Variants in CBR4 observed in about 807,000 individuals in gnomAD.
CBR4 encodes the protein 3-oxoacyl-[acyl-carrier-protein] reductase.
Under a neutral mutation model 21.0 loss-of-function variants are expected in CBR4, and 22 were observed. The observed-to-expected ratio is 1.05, with a 90% CI of 0.75 to 1.50. The LOEUF (loss-of-function observed/expected upper bound fraction) is 1.50, where lower values mean the gene tolerates loss of function less well. Among genes scored for constraint, CBR4 ranks in the 40% most tolerant of loss-of-function variants. The pLI is 0.00. For synonymous variants in CBR4, 100 were observed against 104.4 expected (o/e 0.96, Z 0.26); for missense variants, 302 against 286.3 (o/e 1.05, Z -0.40).
chr4:168,966,499 C>A (rs941380281), intron 2 of CBR4, among the ~76,000 whole-genome samples: 3 of 151,394 alleles, frequency 2.0e-5, no homozygotes, highest in Admixed American at 2.0e-4. Flanking sequence ...TGCCTTTCAG[C>A]CTGGACGACA....
intron 2 of CBR4, chr4:168,925,480 G>T (rs1206317075): frequency 1.7e-6 from 1 of 580,894 alleles, no homozygotes; most frequent in Non-Finnish European, 3.1e-6. Context: ...CTATCGCAGT[G>T]TCCTAATGCA....
intron 2 of CBR4, among the ~76,000 whole-genome samples, chr4:168,969,362 G>A (rs1343166638): frequency 2.0e-5 from 3 of 152,124 alleles, no homozygotes; most frequent in Non-Finnish European, 4.4e-5. Context: ...CCCTAGAGAT[G>A]CCTATTCTCT....
At chr4:168,910,242 G>A (rs1214340033) in intron 2 of CBR4, among the ~76,000 whole-genome samples, 1 of 66,770 alleles carries the variant, frequency 1.5e-5, no homozygotes, top group Admixed American at 1.6e-4. Context: ...TTTTTTTTTT[G>A]AGAGGGGAGG....
At chr4:168,951,264 G>A (rs979422255) in intron 2 of CBR4, among the ~76,000 whole-genome samples, 1 of 152,064 alleles carries the variant, frequency 6.6e-6, no homozygotes, top group Non-Finnish European at 1.5e-5. Context: ...TCACCAAGTT[G>A]GCCACAATGG....
chr4:168,945,188 A>G (rs1305564127), intron 2 of CBR4, among the ~76,000 whole-genome samples: 1 of 152,142 alleles, frequency 6.6e-6, no homozygotes, highest in Non-Finnish European at 1.5e-5. Flanking sequence ...ACCTCTTGAG[A>G]GTGGAGCCCA....
chr4:168,914,374 T>G (rs1164183833), intron 2 of CBR4, among the ~76,000 whole-genome samples: 1 of 152,246 alleles, frequency 6.6e-6, no homozygotes, highest in Non-Finnish European at 1.5e-5. Context: ...AACCAACAGC[T>G]GTGTGAGTGG....
At chr4:169,009,298 G>A (rs1329942505) in intron 1 of CBR4, among the ~76,000 whole-genome samples, 1 of 152,106 alleles carries the variant, frequency 6.6e-6, no homozygotes, top group Non-Finnish European at 1.5e-5. Flanking sequence ...AAACCCTGAA[G>A]TTTAAATGCA....
intron 4 of CBR4, among the ~76,000 whole-genome samples, chr4:168,990,624 T>C (rs1764871983): frequency 1.3e-5 from 2 of 151,556 alleles, no homozygotes; most frequent in African/African-American, 2.4e-5. Context: ...TTTTGTAGAG[T>C]TGGGCCAGGC....
chr4:169,005,759 A>C (rs533333018), intron 3 of CBR4: 6 of 571,964 alleles, frequency 1.0e-5, no homozygotes, highest in South Asian at 1.0e-4. Flanking sequence ...AAATGTCCAA[A>C]ATGCTCTCAT....
chr4:168,990,915 G>A (rs562639146), intron 4 of CBR4, among the ~76,000 whole-genome samples: 32 of 151,934 alleles, frequency 2.1e-4, no homozygotes, highest in African/African-American at 9.6e-5. Flanking sequence ...TTAGCTGGGG[G>A]TGGTGGTGGA....
At chr4:168,898,919 G>A (rs1275992564) in intron 2 of CBR4, among the ~76,000 whole-genome samples, 1 of 152,148 alleles carries the variant, frequency 6.6e-6, no homozygotes, top group African/African-American at 2.4e-5. Context: ...TGGAGTTTGG[G>A]TTTGAAGAAT....
intron 2 of CBR4, chr4:168,903,688 A>AT: frequency 1.5e-6 from 2 of 1,301,150 alleles, no homozygotes; most frequent in Non-Finnish European, 2.2e-6. Context: ...CACTGTTACT[A>AT]TTTTCAGTTC....
chr4:168,975,951 G>A (rs907612238), intron 2 of CBR4, among the ~76,000 whole-genome samples: 13 of 152,052 alleles, frequency 8.5e-5, no homozygotes, highest in African/African-American at 1.2e-4. Flanking sequence ...CTCCCTAACC[G>A]CACTGGAGTT....
intron 2 of CBR4, among the ~76,000 whole-genome samples, chr4:168,924,768 G>A (rs553514717): frequency 1.2e-4 from 18 of 152,300 alleles, no homozygotes; most frequent in African/African-American, 3.4e-4. Flanking sequence ...AACTCTTGAC[G>A]TCTGTTCTTT....
At chr4:168,968,284 A>T (rs1453340428) in intron 2 of CBR4, among the ~76,000 whole-genome samples, 1 of 152,190 alleles carries the variant, frequency 6.6e-6, no homozygotes, top group Non-Finnish European at 1.5e-5. Flanking sequence ...TGCAAGGGAG[A>T]AAAGGTTTGT....
At chr4:168,973,056 G>GTT (rs1764259311) in intron 2 of CBR4, among the ~76,000 whole-genome samples, 1 of 152,038 alleles carries the variant, frequency 6.6e-6, no homozygotes, top group African/African-American at 2.4e-5. Flanking sequence ...TTTTACTTCT[G>GTT]TTTATGTGGT....
chr4:168,924,701 T>C (rs1192607225), intron 2 of CBR4, among the ~76,000 whole-genome samples: 1 of 152,196 alleles, frequency 6.6e-6, no homozygotes, highest in Non-Finnish European at 1.5e-5. Flanking sequence ...AAAAGACTAT[T>C]CAGTGGTTTT....
Position 168,903,808 on chromosome 4 carries a change from A to G in CBR4, n.170-9043T>C, listed in dbSNP as rs1553973196. On this transcript the variant is annotated intron_variant and non_coding_transcript_variant, in intron 2 of 3. Transcript: ENST00000509108. ...GATCTCTCCAAAGAGTGATCACTAC[A>G]CCATTCAAAGAGATCTCGATGGGAC... 2.5e-6 allele frequency: 4 copies of G among 1,611,636 alleles called. No homozygotes were observed. Among genetic ancestry groups the G allele is most frequent in the Non-Finnish European group, 3.4e-6 (4 of 1,177,810 alleles).
At chr4:168,933,965 A>G (rs1009466638) in intron 2 of CBR4, among the ~76,000 whole-genome samples, 1 of 152,366 alleles carries the variant, frequency 6.6e-6, no homozygotes, top group East Asian at 1.9e-4. Context: ...CTTGAAACAA[A>G]TGAAAACAGA....
Sources: allele counts gnomAD v4.1 joint callset (sites outside exome capture counted in the v4.1 genomes callset), GRCh38; gene constraint gnomAD v4.1.1; transcripts MANE v1.5; gene names NCBI Gene and HGNC (gene_info 2026-07-23, HGNC 2026-07-21).